Variants in DOK6 observed in about 807,000 individuals in gnomAD.
DOK6 encodes the protein docking protein 6.
Under a neutral mutation model 44.0 loss-of-function variants are expected in DOK6, and 22 were observed. That is an observed-to-expected ratio of 0.50 (90% CI 0.36 to 0.71). The LOEUF is 0.71. Ranked by LOEUF, DOK6 falls within the 30% of genes least tolerant of loss-of-function variation. The pLI, the probability that DOK6 is intolerant of heterozygous loss-of-function variation, is 0.00. For synonymous variants in DOK6, 166 were observed against 145.5 expected, an observed-to-expected ratio of 1.14 and a Z score of -1.01; for missense variants, 340 against 416.4, an observed-to-expected ratio of 0.82 and a Z score of 1.60.
At chr18:69,553,843 G>A (rs1219284891) in intron 1 of DOK6, among the ~76,000 whole-genome samples, 3 of 152,124 alleles carry the variant, frequency 2.0e-5, no homozygotes, top group Non-Finnish European at 4.4e-5. Flanking sequence ...CTTCTGGGAT[G>A]CCTGCATCTT....
At chr18:69,458,988 T>A (rs1163068987) in intron 1 of DOK6, among the ~76,000 whole-genome samples, 4 of 151,826 alleles carry the variant, frequency 2.6e-5, no homozygotes, top group Non-Finnish European at 4.4e-5. Context: ...CCCAGCCACC[T>A]GGGAGGCTGA....
At chr18:69,422,154 C>T (rs146175663) in intron 1 of DOK6, among the ~76,000 whole-genome samples, 1 of 152,254 alleles carries the variant, frequency 6.6e-6, no homozygotes, top group Non-Finnish European at 1.5e-5. Context: ...TCTCCTGCTG[C>T]CTGGCCCACT....
intron 3 of DOK6, among the ~76,000 whole-genome samples, chr18:69,630,761 G>A (rs555286612): frequency 6.6e-6 from 1 of 152,314 alleles, no homozygotes; most frequent in East Asian, 1.9e-4. Flanking sequence ...GTGACTGCAT[G>A]TATTGCACTG....
chr18:69,536,193 C>T (rs1982118024), intron 1 of DOK6, among the ~76,000 whole-genome samples: 1 of 152,150 alleles, frequency 6.6e-6, no homozygotes, highest in Non-Finnish European at 1.5e-5. Context: ...CTTCTTGAAA[C>T]ACTTAAGGTG....
At chr18:69,698,647 T>C in intron 5 of DOK6, 54 bp downstream of exon 5, 1 of 1,542,854 alleles carries the variant, frequency 6.5e-7, no homozygotes, top group East Asian at 2.3e-5. Context: ...ACAGAGTCTG[T>C]ATAACAGAGT....
chr18:69,527,962 T>G lies in DOK6; in HGVS notation c.67-36525T>G, dbSNP rs190967242. Among the ~76,000 whole-genome samples the G allele has an allele frequency of 3.5e-3, 529 of 152,088 alleles. 1 individual carries two copies. The highest frequency in any genetic ancestry group is 0.011 in the African/African-American group (443 of 41,496). On this transcript the variant is annotated intron_variant, in intron 1 of 7. Coordinates refer to ENST00000382713, the MANE Select transcript of DOK6 (RefSeq NM_152721.6). ...GCGGATCACGAGGTCAGGAGATCGA[T>G]ACCATCTTGGCTAACATGGTGAAAC... is the stretch of plus-strand genomic sequence containing the variant.
intron 3 of DOK6, among the ~76,000 whole-genome samples, chr18:69,604,098 T>G (rs908590491): frequency 2.6e-5 from 4 of 152,184 alleles, no homozygotes; most frequent in Non-Finnish European, 5.9e-5. Flanking sequence ...AACCCTGCAA[T>G]TATTTTTAAT....
At chr18:69,617,569 AAAG>A (rs1984326258) in intron 3 of DOK6, among the ~76,000 whole-genome samples, 1 of 107,904 alleles carries the variant, frequency 9.3e-6, no homozygotes, top group South Asian at 3.8e-4. Flanking sequence ...GATAGGAGAA[AAAG>A]AAAGAAAGAG....
chr18:69,536,686 A>G lies in DOK6; in HGVS notation c.67-27801A>G, dbSNP rs142708992. On this transcript the variant is annotated intron_variant, in intron 1 of 7. Transcript: ENST00000382713. ...TTACATATTTTCAATTATTAAGTTT[A>G]AACAATGAAAGATAGAGATACACCC... 6.6e-5 allele frequency among the ~76,000 whole-genome samples: 10 copies of G among 152,266 alleles called. No individual in the cohort carries two copies. In the East Asian group the frequency reaches 1.9e-3, roughly 29 times the overall value.
At chr18:69,429,460 A>G (rs149971302) in intron 1 of DOK6, among the ~76,000 whole-genome samples, 7 of 151,702 alleles carry the variant, frequency 4.6e-5, no homozygotes, top group Non-Finnish European at 1.0e-4. Flanking sequence ...TATTTCTATC[A>G]AAAATATATT....
chr18:69,639,901 A>G (rs73459999), intron 3 of DOK6, among the ~76,000 whole-genome samples: 2,643 of 152,244 alleles, frequency 0.017, 72 homozygotes, highest in African/African-American at 0.06. Context: ...TATCTCCCCA[A>G]AGTCCCTTGT....
chr18:69,672,328 C>A (rs1280691180), intron 3 of DOK6, among the ~76,000 whole-genome samples: 1 of 152,106 alleles, frequency 6.6e-6, no homozygotes, highest in Non-Finnish European at 1.5e-5. Flanking sequence ...CTGAAACAAG[C>A]ATTTAGGTGG....
At chr18:69,490,988 C>A (rs1321733035) in intron 1 of DOK6, among the ~76,000 whole-genome samples, 1 of 152,168 alleles carries the variant, frequency 6.6e-6, no homozygotes, top group African/African-American at 2.4e-5. Context: ...CATTTGCTGC[C>A]GGCAGCGGAG....
rs1986445168 is a variant in DOK6 at position 69,698,598 on chromosome 18, G to A, written c.599+5G>A. 1.2e-6 allele frequency: 2 copies of A among 1,611,946 alleles called. No homozygotes were observed. The highest frequency in any genetic ancestry group is 2.2e-5 in the East Asian group (1 of 44,876). On this transcript the variant is annotated splice_donor_5th_base_variant and intron_variant, in intron 5 of 7. Transcript: ENST00000382713. ...GTTCACGTTTGAGTCAGGAAGGTAA[G>A]ATCTAGTGCAGCAGCCAAGTGCAGG...
At chr18:69,759,893 TAA>T (rs1283471773) in intron 7 of DOK6, among the ~76,000 whole-genome samples, 2 of 152,196 alleles carry the variant, frequency 1.3e-5, no homozygotes, top group African/African-American at 2.4e-5. Flanking sequence ...GGTAATTACT[TAA>T]GTCAAATATT....
At chr18:69,740,093 G>A (rs555623038) in intron 6 of DOK6, among the ~76,000 whole-genome samples, 1 of 152,136 alleles carries the variant, frequency 6.6e-6, no homozygotes, top group Admixed American at 6.5e-5. Context: ...TTAAAAAAGA[G>A]CCTTCCTAAC....
intron 1 of DOK6, among the ~76,000 whole-genome samples, chr18:69,557,881 TCTGTACCTTGAGATGCC>T (rs1982728451): frequency 6.6e-6 from 1 of 152,112 alleles, no homozygotes; most frequent in South Asian, 2.1e-4. Context: ...GCCAATGGTC[TCTGTACCTTGAGATGCC>T]CTTGAAAGCC....
chr18:69,668,681 T>C (rs905259904), intron 3 of DOK6, among the ~76,000 whole-genome samples: 1 of 152,200 alleles, frequency 6.6e-6, no homozygotes, highest in African/African-American at 2.4e-5. Flanking sequence ...ATTTTTGTGA[T>C]ATCGGGATGA....
chr18:69,639,354 C>T (rs1984885713), intron 3 of DOK6, among the ~76,000 whole-genome samples: 1 of 152,104 alleles, frequency 6.6e-6, no homozygotes, highest in Non-Finnish European at 1.5e-5. Context: ...TTGAAAAATC[C>T]AAATCAAGAG....
Sources: gnomAD v4.1 joint callset for allele counts (sites outside exome capture counted in the v4.1 genomes callset) on GRCh38, gnomAD v4.1.1 for gene constraint, MANE v1.5 for transcripts, NCBI Gene and HGNC (gene_info 2026-07-23, HGNC 2026-07-21) for gene names.